FAT3: variants seen among roughly 807,000 people sequenced by gnomAD.
FAT3 encodes the protein protocadherin Fat 3.
Under a neutral mutation model 310.2 loss-of-function variants are expected in FAT3, and 95 were observed. The observed-to-expected ratio is 0.31, with a 90% confidence interval of 0.26 to 0.36. The LOEUF (loss-of-function observed/expected upper bound fraction) is 0.36. FAT3 is among the 10% of genes least tolerant of loss of function. FAT3 has a pLI of 1.00. For missense variants in FAT3, 5,408 were observed against 5,715.6 expected, an observed-to-expected ratio of 0.95 and a Z score of 1.74; for synonymous variants, 2,314 against 2,192.9, an observed-to-expected ratio of 1.06 and a Z score of -1.54.
rs1029279861 is a variant in FAT3 at position 92,348,689 on chromosome 11, G to A, written c.-17-3407G>A. On this transcript the variant is annotated intron_variant, in intron 1 of 27. Coordinates refer to ENST00000525166, the MANE Select transcript of FAT3 (RefSeq NM_001367949.2). The stretch of plus-strand genomic sequence containing the variant: ...CAGTTTGGTATTAGCTCTGAACCTG[G>A]GAAACTTGAGTCCTGGCATTAGGGG... Among the ~76,000 whole-genome samples the A allele has an allele frequency of 7.2e-5, 11 of 152,164 alleles. No homozygotes were observed. The East Asian group carries it at 1.7e-3, about 24-fold the overall frequency.
chr11:92,704,970 C>A (rs964114114), intron 4 of FAT3, among the ~76,000 whole-genome samples: 2 of 152,192 alleles, frequency 1.3e-5, no homozygotes, highest in Non-Finnish European at 2.9e-5. Flanking sequence ...GCTCCATATT[C>A]CAAGGGAGAA....
chr11:92,670,099 G>A (rs1191064345), intron 3 of FAT3, among the ~76,000 whole-genome samples: 3 of 152,154 alleles, frequency 2.0e-5, no homozygotes, highest in Non-Finnish European at 4.4e-5. Context: ...ACATAAAAGT[G>A]CTGTTAATAT....
intron 2 of FAT3, among the ~76,000 whole-genome samples, chr11:92,450,349 C>G (rs1459336785): frequency 6.6e-6 from 1 of 152,210 alleles, no homozygotes; most frequent in Non-Finnish European, 1.5e-5. Flanking sequence ...TAGGACCCTA[C>G]TTCAAATTGT....
rs755781293 is a variant in FAT3 at position 92,892,296 on chromosome 11, G to A, written c.*1183G>A. The A allele has an allele frequency of 2.6e-5, 4 of 152,124 alleles. No individual in the cohort carries two copies. The highest frequency in any genetic ancestry group is 9.7e-5 in the African/African-American group (4 of 41,434). The allele number at this position is 152,124 out of a possible 1,614,324, so 9.4% of individuals were successfully genotyped here. A position where few individuals can be genotyped will look rare whatever the true frequency, so the allele number is the denominator to read the frequency against. ...ACCATGTTGAAAATTCTGCCGGCGA[G>A]CATGGCATACCTTTCAATTTCTCTG... On this transcript the variant is annotated 3_prime_UTR_variant, in exon 28 of 28. Transcript: ENST00000525166.
chr11:92,540,013 C>T (rs138309818), intron 3 of FAT3, among the ~76,000 whole-genome samples: 150 of 152,220 alleles, frequency 9.9e-4, no homozygotes, highest in African/African-American at 3.5e-3. Flanking sequence ...TTTTATTTTG[C>T]GCTGAGCCCT....
At chr11:92,825,797 A>G (rs963179174) in intron 13 of FAT3, among the ~76,000 whole-genome samples, 13 of 152,112 alleles carry the variant, frequency 8.5e-5, no homozygotes, top group African/African-American at 2.9e-4. Context: ...AGGACAGGGT[A>G]TCAACTCTGC....
rs368355693 is a variant in FAT3 at position 92,765,632 on chromosome 11, GT to G, written c.4195+552del. On this transcript the variant is annotated intron_variant, in intron 6 of 27. Transcript: ENST00000525166. ...ACAGCTATCCAATCTGCCTTTTACG[GT>G]TTTTTTTTAAAGCAAATTGAATTAC... 8.3e-3 allele frequency among the ~76,000 whole-genome samples: 1,256 copies of G among 151,428 alleles called. 29 individuals carry two copies. Among genetic ancestry groups the G allele is most frequent in the African/African-American group, 0.029 (1,194 of 41,256 alleles).
chr11:92,406,823 C>G (rs1293022092), intron 2 of FAT3: 1 of 152,162 alleles, frequency 6.6e-6, no homozygotes, highest in Non-Finnish European at 1.5e-5. Context: ...ACTGAAATCT[C>G]CCAAGGTGGA....
chr11:92,770,711 G>C (rs1227382882), intron 6 of FAT3, among the ~76,000 whole-genome samples: 2 of 152,148 alleles, frequency 1.3e-5, no homozygotes, highest in Non-Finnish European at 2.9e-5. Flanking sequence ...GCTCTCTAAA[G>C]GGGAAGCTGT....
intron 1 of FAT3, among the ~76,000 whole-genome samples, chr11:92,319,080 C>T (rs1947541548): frequency 6.6e-6 from 1 of 152,152 alleles, no homozygotes; most frequent in Non-Finnish European, 1.5e-5. Context: ...ATCTAAACAA[C>T]AACAACAACA....
chr11:92,293,272 G>T (rs1946747256), intron 1 of FAT3, among the ~76,000 whole-genome samples: 1 of 151,468 alleles, frequency 6.6e-6, no homozygotes, highest in African/African-American at 2.4e-5. Flanking sequence ...TTTACTCCAA[G>T]TGCTACTCTC....
chr11:92,702,582 C>T (rs1944132835), intron 4 of FAT3, among the ~76,000 whole-genome samples: 1 of 152,176 alleles, frequency 6.6e-6, no homozygotes, highest in Non-Finnish European at 1.5e-5. Context: ...CATCTACTTC[C>T]TCCTCCCCTT....
At chr11:92,292,352 G>A (rs1457664652) in intron 1 of FAT3, among the ~76,000 whole-genome samples, 1 of 152,030 alleles carries the variant, frequency 6.6e-6, no homozygotes, top group Non-Finnish European at 1.5e-5. Flanking sequence ...GTCCAGAACT[G>A]TATTTTTCCT....
At chr11:92,779,733 G>T (rs143243947) in intron 7 of FAT3, among the ~76,000 whole-genome samples, 221 of 152,206 alleles carry the variant, frequency 1.5e-3, no homozygotes, top group African/African-American at 5.1e-3. Context: ...TGTGATTAGG[G>T]TATAAATCTT....
At chr11:92,365,191 G>A (rs917278865) in intron 2 of FAT3, among the ~76,000 whole-genome samples, 22 of 152,262 alleles carry the variant, frequency 1.4e-4, no homozygotes, top group African/African-American at 5.3e-4. Flanking sequence ...GATCACTTGT[G>A]CCTAGGAGGT....
At chr11:92,293,553 A>ATATATATATATATATAT (rs1565206851) in intron 1 of FAT3, among the ~76,000 whole-genome samples, 1 of 16,120 alleles carries the variant, frequency 6.2e-5, no homozygotes, top group African/African-American at 1.5e-4. Context: ...TATATATATA[A>ATATATATATATATATAT]ATAAAATATA....
chr11:92,808,508 T>C (rs1591762900), intron 12 of FAT3, among the ~76,000 whole-genome samples: 1 of 151,956 alleles, frequency 6.6e-6, no homozygotes, highest in Non-Finnish European at 1.5e-5. Flanking sequence ...GATTGTGGAG[T>C]GTCTTGAATG....
At chr11:92,639,849 G>A (rs1170466128) in intron 3 of FAT3, among the ~76,000 whole-genome samples, 1 of 152,196 alleles carries the variant, frequency 6.6e-6, no homozygotes, top group Non-Finnish European at 1.5e-5. Flanking sequence ...GTTTTCTGCA[G>A]TGGAAATATA....
chr11:92,844,767 T>C (rs1185962509), intron 19 of FAT3, 35 bp downstream of exon 19: 1 of 1,472,486 alleles, frequency 6.8e-7, no homozygotes, highest in Admixed American at 2.3e-5. Context: ...TCTCAACTCC[T>C]GAGATTGTAG....
Sources: gnomAD v4.1 joint callset for allele counts (sites outside exome capture counted in the v4.1 genomes callset) on GRCh38, gnomAD v4.1.1 for gene constraint, MANE v1.5 for transcripts, NCBI Gene and HGNC (gene_info 2026-07-23, HGNC 2026-07-21) for gene names.